Variants in GIGYF2 observed in about 807,000 individuals in gnomAD.
The protein encoded by GIGYF2 is GRB10-interacting GYF protein 2.
GIGYF2 carries 25 observed loss-of-function variants against 208.1 expected under a neutral mutation model. The observed-to-expected ratio is 0.12, with a 90% confidence interval of 0.09 to 0.17. The LOEUF is 0.17. Among genes scored for constraint, GIGYF2 ranks in the 10% least tolerant of loss-of-function variants. The pLI is 1.00. For synonymous variants in GIGYF2, 534 were observed against 543.8 expected (o/e 0.98, Z 0.25); for missense variants, 1,302 against 1,579.4 (o/e 0.82, Z 2.98).
chr2:232,725,186 A>C (rs1051016835), intron 2 of GIGYF2, among the ~76,000 whole-genome samples: 1 of 152,148 alleles, frequency 6.6e-6, no homozygotes, highest in Admixed American at 6.5e-5. Flanking sequence ...TCATCTTTCT[A>C]AAGTACAAAT....
rs1702056545 is a variant in GIGYF2 at position 232,847,519 on chromosome 2, A to AGCAGCAGCAGCTGCC, written c.3643_3644insTGCCGCAGCAGCAGC (p.Gln1214_Gln1215insLeuProGlnGlnGln). 1.6e-5 allele frequency: 4 copies of AGCAGCAGCAGCTGCC among 252,566 alleles called. No individual in the cohort carries two copies. Among genetic ancestry groups the AGCAGCAGCAGCTGCC allele is most frequent in the Non-Finnish European group, 2.5e-5 (4 of 159,748 alleles). 15.6% of individuals were successfully genotyped at this position (252,566 alleles called of 1,614,324 possible). ...CAGCGTCAGCAGCAGCAGCTGCCACAGCAGCAGCAGCAGCAGCCGCCACAG... is the reference window on the plus strand; with the variant it reads ...CAGCGTCAGCAGCAGCAGCTGCCACAGCAGCAGCAGCTGCCGCAGCAGCAGCAGCAGCCGCCACAG... On this transcript the variant is annotated inframe_insertion, in exon 27 of 29. Coordinates refer to ENST00000373563, the MANE Select transcript of GIGYF2 (RefSeq NM_001103146.3).
chr2:232,837,127 G>A (rs1477864581), intron 22 of GIGYF2, among the ~76,000 whole-genome samples: 1 of 152,196 alleles, frequency 6.6e-6, no homozygotes, highest in Non-Finnish European at 1.5e-5. Context: ...CCTATGAGTG[G>A]GGCTGGGCAC....
intron 9 of GIGYF2, among the ~76,000 whole-genome samples, chr2:232,789,917 A>G (rs283474): frequency 0.32 from 48,423 of 151,770 alleles, 8,067 homozygotes; most frequent in South Asian, 0.62. Context: ...AGATTTGGGA[A>G]TGTCCGTAGG....
At chr2:232,808,590 C>T (rs1329887658) in intron 15 of GIGYF2, among the ~76,000 whole-genome samples, 1 of 152,114 alleles carries the variant, frequency 6.6e-6, no homozygotes, top group African/African-American at 2.4e-5. Context: ...GCAAGAAAAA[C>T]GTCTCTGAAT....
intron 6 of GIGYF2, among the ~76,000 whole-genome samples, chr2:232,758,514 A>C (rs1698628256): frequency 6.6e-6 from 1 of 152,176 alleles, no homozygotes; most frequent in Admixed American, 6.5e-5. Context: ...TAGGTTCATC[A>C]TGTTATATTT....
At chr2:232,766,685 T>G (rs917950088) in intron 8 of GIGYF2, 5 of 152,384 alleles carry the variant, frequency 3.3e-5, no homozygotes, top group Non-Finnish European at 5.9e-5. Flanking sequence ...ATTATCAGTC[T>G]TAGACCACTC....
intron 8 of GIGYF2, among the ~76,000 whole-genome samples, chr2:232,762,479 C>G (rs1268204212): frequency 6.6e-6 from 1 of 151,984 alleles, no homozygotes; most frequent in Non-Finnish European, 1.5e-5. Context: ...TCTTGAACTC[C>G]TGACCTCGTG....
At chr2:232,719,335 T>A (rs1014057553) in intron 2 of GIGYF2, among the ~76,000 whole-genome samples, 4 of 152,184 alleles carry the variant, frequency 2.6e-5, no homozygotes, top group African/African-American at 9.7e-5. Context: ...TGGCTTCTCC[T>A]TGCTGATTTT....
At chr2:232,833,194 T>G (rs975781416) in intron 22 of GIGYF2, 101 bp downstream of exon 22, 29 of 609,772 alleles carry the variant, frequency 4.8e-5, no homozygotes, top group Non-Finnish European at 6.9e-5. Flanking sequence ...TTTCTTTCTT[T>G]TTTTAATATT....
chr2:232,730,332 C>CA, intron 2 of GIGYF2: 2 of 518,234 alleles, frequency 3.9e-6, no homozygotes, highest in South Asian at 4.3e-5. Flanking sequence ...GGGCCGGGTG[C>CA]AGTGGCTCAC....
chr2:232,825,852 C>G (rs962656888), intron 21 of GIGYF2, among the ~76,000 whole-genome samples: 1 of 150,562 alleles, frequency 6.6e-6, no homozygotes, highest in East Asian at 2.0e-4. Context: ...TATCCCTCCC[C>G]CAGCCCCCCA....
intron 1 of GIGYF2, among the ~76,000 whole-genome samples, chr2:232,699,776 T>A (rs754358044): frequency 2.3e-4 from 35 of 152,198 alleles, no homozygotes; most frequent in Admixed American, 6.5e-5. Flanking sequence ...ACTCAAATTA[T>A]CCTTAATCTG....
chr2:232,795,044 T>C, intron 13 of GIGYF2, 100 bp downstream of exon 13: 2 of 878,758 alleles, frequency 2.3e-6, no homozygotes, highest in Non-Finnish European at 1.9e-6. Context: ...TCACTAGATT[T>C]TAAGTACTGG....
chr2:232,790,825 T>C lies in GIGYF2; in HGVS notation c.840T>C (p.Asp280=). ...RVRSGSGSID[D]DRDSLPEWCL... is the part of the protein sequence containing the mutation. ...GCTCTGGCAGTGGGAGCATAGATGA[T>C]GACAGGGATAGCTTGCCCGAATGGT... The change falls in exon 10 of 29, where the codon GAT becomes GAC. Residue 280 remains aspartate (D), a synonymous_variant. Coordinates refer to ENST00000373563, the MANE Select transcript of GIGYF2 (RefSeq NM_001103146.3). The C allele has an allele frequency of 1.2e-6, 2 of 1,614,116 alleles. No homozygotes were observed. Among genetic ancestry groups the C allele is most frequent in the African/African-American group, 1.3e-5 (1 of 75,024 alleles).
chr2:232,781,399 A>G (rs1002406694), intron 8 of GIGYF2, among the ~76,000 whole-genome samples: 2 of 142,434 alleles, frequency 1.4e-5, no homozygotes, highest in African/African-American at 5.3e-5. Flanking sequence ...TCTGTAATCA[A>G]TTTGGTTAGA....
At chr2:232,839,752 G>A (rs1701760482) in intron 22 of GIGYF2, 97 bp from the exon 23 acceptor site, 2 of 1,207,962 alleles carry the variant, frequency 1.7e-6, no homozygotes, top group Admixed American at 3.5e-5. Flanking sequence ...GGAGTTGAGA[G>A]AAATGCATTT....
intron 6 of GIGYF2, among the ~76,000 whole-genome samples, chr2:232,757,388 A>G (rs1288524490): frequency 1.3e-5 from 2 of 148,626 alleles, no homozygotes; most frequent in Non-Finnish European, 2.9e-5. Context: ...GAGATGTTAG[A>G]CTAATCTGTA....
intron 5 of GIGYF2, among the ~76,000 whole-genome samples, chr2:232,755,099 A>G (rs1416110397): frequency 6.6e-6 from 1 of 152,234 alleles, no homozygotes; most frequent in Non-Finnish European, 1.5e-5. Flanking sequence ...TTTGAATCAA[A>G]ATAGAAAGTT....
chr2:232,820,316 CTTTTT>C (rs199677992), intron 21 of GIGYF2, among the ~76,000 whole-genome samples: 4 of 138,710 alleles, frequency 2.9e-5, no homozygotes, highest in African/African-American at 5.4e-5. Flanking sequence ...GCAATAATTT[CTTTTT>C]TTTTTTTTTT....
Sources: gnomAD v4.1 joint callset for allele counts (sites outside exome capture counted in the v4.1 genomes callset) on GRCh38, gnomAD v4.1.1 for gene constraint, MANE v1.5 for transcripts, NCBI Gene and HGNC (gene_info 2026-07-23, HGNC 2026-07-21) for gene names.